Variants in CD200 observed in about 807,000 individuals in gnomAD.
CD200 encodes OX-2 membrane glycoprotein.
A neutral mutation model predicts 30.9 loss-of-function variants in CD200; 15 were observed. The observed-to-expected ratio is 0.49, with a 90% CI of 0.32 to 0.75. The LOEUF is 0.75. CD200 is among the 30% of genes least tolerant of loss of function. The pLI is 0.03. For synonymous variants in CD200, 134 were observed against 126.2 expected, an observed-to-expected ratio of 1.06 and a Z score of -0.41; for missense variants, 262 against 324.2, an observed-to-expected ratio of 0.81 and a Z score of 1.47.
At chr3:112,342,415 T>TC (rs2081287161) in intron 2 of CD200, among the ~76,000 whole-genome samples, 2 of 81,478 alleles carry the variant, frequency 2.5e-5, no homozygotes, top group Middle Eastern at 5.1e-3. Context: ...CTTTCTTTCT[T>TC]TCTTTCTTTC....
At chr3:112,348,840 A>G (rs972109287) in intron 4 of CD200, among the ~76,000 whole-genome samples, 2 of 141,614 alleles carry the variant, frequency 1.4e-5, no homozygotes, top group South Asian at 2.4e-4. Flanking sequence ...GGCAAAGGGT[A>G]TATTTCCTGG....
rs1350852093 is a variant in CD200, at chr3:112,362,695, C to T, written c.*1145C>T. On this transcript the variant is annotated 3_prime_UTR_variant, in exon 6 of 6. Coordinates refer to ENST00000315711, the MANE Select transcript of CD200 (RefSeq NM_005944.7). ...TAGGAATTAAAGTGTAAGTTGTTTT[C>T]GCTGTTAAATTGGATATTTATATAT... 4 of 126,010 alleles carry T rather than the reference C, an allele frequency of 3.2e-5. No individual in the cohort carries two copies. Among genetic ancestry groups the T allele is most frequent in the Admixed American group, 9.3e-5 (1 of 10,804 alleles). 7.8% of individuals were successfully genotyped at this position (126,010 alleles called of 1,614,324 possible).
intron 5 of CD200, among the ~76,000 whole-genome samples, 157 bp from the exon 6 acceptor site, chr3:112,361,386 T>C (rs1355418966): frequency 1.3e-5 from 2 of 152,166 alleles, no homozygotes; most frequent in Non-Finnish European, 2.9e-5. Context: ...CCTCACACCA[T>C]ACTGGGTCAG....
At chr3:112,351,996 T>C (rs2081542027) in intron 5 of CD200, among the ~76,000 whole-genome samples, 1 of 152,098 alleles carries the variant, frequency 6.6e-6, no homozygotes, top group African/African-American at 2.4e-5. Flanking sequence ...TCCCAAGAGA[T>C]CTTCCCCCCT....
intron 5 of CD200, among the ~76,000 whole-genome samples, chr3:112,354,996 A>G (rs2081599676): frequency 6.6e-6 from 1 of 152,218 alleles, no homozygotes; most frequent in South Asian, 2.1e-4. Context: ...GCCCAACTGC[A>G]TAATCCATCT....
intron 5 of CD200, among the ~76,000 whole-genome samples, chr3:112,361,012 G>C (rs2081730258): frequency 6.6e-6 from 1 of 151,906 alleles, no homozygotes; most frequent in African/African-American, 2.4e-5. Flanking sequence ...TTTTGCTTCA[G>C]TTTTGTTTTT....
chr3:112,345,654 G>A (rs1401586998), intron 3 of CD200, among the ~76,000 whole-genome samples: 4 of 152,190 alleles, frequency 2.6e-5, no homozygotes, highest in East Asian at 1.9e-4. Flanking sequence ...TCATTGTCTG[G>A]ACAATAAGTG....
At chr3:112,344,266 T>A (rs2081333307) in intron 2 of CD200, among the ~76,000 whole-genome samples, 1 of 152,230 alleles carries the variant, frequency 6.6e-6, no homozygotes, top group Non-Finnish European at 1.5e-5. Context: ...CTATTTGTTT[T>A]TATGTTGAGA....
chr3:112,350,549 C>A (rs1296596001), intron 5 of CD200, among the ~76,000 whole-genome samples: 1 of 152,036 alleles, frequency 6.6e-6, no homozygotes, highest in Non-Finnish European at 1.5e-5. Flanking sequence ...GAGCAGTGAG[C>A]TAGATAGAGA....
intron 2 of CD200, among the ~76,000 whole-genome samples, chr3:112,342,309 TCTTCTTTCTTTCTTTCTTTCTTTCTTTC>T (rs1559782764): frequency 4.1e-5 from 3 of 72,466 alleles, no homozygotes; most frequent in Admixed American, 1.4e-4. Context: ...TTCCTTCCTT[TCTTCTTTCTTTCTTTCTTTCTTTCTTTC>T]CTTCTTTCTT....
intron 1 of CD200, among the ~76,000 whole-genome samples, chr3:112,339,299 A>G (rs766968277): frequency 2.0e-5 from 3 of 152,218 alleles, no homozygotes; most frequent in Admixed American, 6.5e-5. Flanking sequence ...ATTTTGCAAT[A>G]CCAAGAGCCT....
At chr3:112,337,934 A>T (rs2081155344) in intron 1 of CD200, among the ~76,000 whole-genome samples, 1 of 152,206 alleles carries the variant, frequency 6.6e-6, no homozygotes, top group Non-Finnish European at 1.5e-5. Flanking sequence ...ATTTTAATAC[A>T]ATATAAATTC....
intron 5 of CD200, among the ~76,000 whole-genome samples, chr3:112,359,479 A>G (rs1471447339): frequency 1.3e-5 from 2 of 152,222 alleles, no homozygotes; most frequent in Non-Finnish European, 2.9e-5. Flanking sequence ...AAAGGAGGGC[A>G]TGGAGGGTGT....
intron 5 of CD200, among the ~76,000 whole-genome samples, chr3:112,360,333 AAT>A (rs1553721433): frequency 4.2e-5 from 6 of 141,270 alleles, no homozygotes; most frequent in Non-Finnish European, 8.0e-5. Flanking sequence ...ATCTAAAAAA[AAT>A]ATATATATAT....
intron 1 of CD200, chr3:112,336,020 A>G (rs752013320): frequency 3.1e-6 from 5 of 1,593,898 alleles, no homozygotes; most frequent in Non-Finnish European, 4.3e-6. Flanking sequence ...ATTACCAGGT[A>G]ATTTTCTACC....
chr3:112,340,919 C>T lies in CD200; in HGVS notation c.30C>T (p.Phe10=). Residue 10 remains phenylalanine, a synonymous_variant, in exon 2 of 6, where the codon TTC becomes TTT. Coordinates refer to ENST00000315711, the MANE Select transcript of CD200 (RefSeq NM_005944.7). ...GTCTTCAGGTGATCAGGATGCCCTTCTCTCATCTGTCTACCTACAGCCTGG... is the reference window on the plus strand; with the variant it reads ...GTCTTCAGGTGATCAGGATGCCCTTTTCTCATCTGTCTACCTACAGCCTGG... MERLVIRMP[F]SHLSTYSLVW... The T allele has an allele frequency of 6.2e-7, 1 of 1,607,986 alleles. No individual in the cohort carries two copies. The highest frequency in any genetic ancestry group is 8.5e-7 in the Non-Finnish European group (1 of 1,174,636).
intron 1 of CD200, chr3:112,333,551 C>T: frequency 1.0e-6 from 1 of 985,436 alleles, no homozygotes; most frequent in Non-Finnish European, 1.2e-6. Context: ...TCCGGGCAGG[C>T]TCGGCTCGGC....
chr3:112,362,494 C>T lies in CD200; in HGVS notation c.*944C>T, dbSNP rs910803252. 1 of 152,606 alleles carries T rather than the reference C, an allele frequency of 6.6e-6. No homozygotes were observed. Among genetic ancestry groups the T allele is most frequent in the Admixed American group, 6.5e-5 (1 of 15,272 alleles). The allele number at this position is 152,606 out of a possible 1,614,324, so 9.5% of individuals were successfully genotyped here. On this transcript the variant is annotated 3_prime_UTR_variant, in exon 6 of 6. Transcript: ENST00000315711. Reference sequence around the variant, plus strand: ...AGCCAATTCATATGCTTTGTCTCTGCTGGCTTCTTTTTCCATGCGTTAACT... The same window carrying T: ...AGCCAATTCATATGCTTTGTCTCTGTTGGCTTCTTTTTCCATGCGTTAACT...
At chr3:112,361,425 G>A in intron 5 of CD200, 118 bp from the exon 6 acceptor site, 1 of 851,220 alleles carries the variant, frequency 1.2e-6, no homozygotes, top group South Asian at 1.4e-5. Context: ...CTTTGCCAAT[G>A]AATATACACT....
Sources: allele counts gnomAD v4.1 joint callset (sites outside exome capture counted in the v4.1 genomes callset), GRCh38; gene constraint gnomAD v4.1.1; transcripts MANE v1.5; gene names NCBI Gene and HGNC (gene_info 2026-07-23, HGNC 2026-07-21).